DOCK11: variants seen among roughly 807,000 people sequenced by gnomAD.
DOCK11 encodes the protein dedicator of cytokinesis protein 11.
DOCK11 carries 70 observed loss-of-function variants against 169.1 expected under a neutral mutation model. The ratio of observed to expected loss-of-function variants is 0.41; its 90% CI spans 0.34 to 0.51. The LOEUF (loss-of-function observed/expected upper bound fraction) is 0.51. Ranked by LOEUF, DOCK11 falls within the 20% of genes least tolerant of loss-of-function variation. DOCK11 has a pLI of 0.10. For synonymous variants in DOCK11, 529 were observed against 541.3 expected, an observed-to-expected ratio of 0.98 and a Z score of 0.32; for missense variants, 1,166 against 1,538.8, an observed-to-expected ratio of 0.76 and a Z score of 4.05.
chrX:118,522,251 C>T (rs1403129252), intron 1 of DOCK11, among the ~76,000 whole-genome samples: 3 of 109,913 alleles, frequency 2.7e-5, no homozygotes, highest in African/African-American at 6.6e-5. Context: ...ACCCAGGGGG[C>T]GGAGGTTGCA....
intron 6 of DOCK11, among the ~76,000 whole-genome samples, chrX:118,554,438 T>C (rs1204142075): frequency 9.0e-6 from 1 of 110,566 alleles, no homozygotes; most frequent in African/African-American, 3.3e-5. Flanking sequence ...TAATATCAGC[T>C]ACTCGGGAGG....
chrX:118,548,396 A>G (rs2012361976), intron 6 of DOCK11, among the ~76,000 whole-genome samples: 1 of 112,207 alleles, frequency 8.9e-6, no homozygotes. Flanking sequence ...GAACCAGTCA[A>G]TGGTCCCCTA....
At chrX:118,598,227 C>T in intron 22 of DOCK11, 111 bp downstream of exon 22, 1 of 516,131 alleles carries the variant, frequency 1.9e-6, no homozygotes, top group Non-Finnish European at 3.2e-6. Flanking sequence ...GCAAGATTTT[C>T]TCATTAGTAA....
chrX:118,632,172 C>T (rs1363696273), intron 35 of DOCK11, among the ~76,000 whole-genome samples: 1 of 111,264 alleles, frequency 9.0e-6, no homozygotes, highest in Non-Finnish European at 1.9e-5. Flanking sequence ...CCAGGATGGT[C>T]TCGATCTCCT....
At chrX:118,532,736 G>C (rs944009232) in intron 1 of DOCK11, among the ~76,000 whole-genome samples, 1 of 98,530 alleles carries the variant, frequency 1.0e-5, no homozygotes, top group Admixed American at 1.2e-4. Context: ...AGCCGAGATC[G>C]CGCCACTGCA....
intron 46 of DOCK11, among the ~76,000 whole-genome samples, chrX:118,672,640 T>A (rs1441162913): frequency 3.6e-5 from 4 of 112,506 alleles, no homozygotes; most frequent in African/African-American, 1.3e-4. Context: ...TTTCACCGTG[T>A]TAGCCAAGAT....
chrX:118,590,199 T>A lies in DOCK11; in HGVS notation c.2047-11T>A, dbSNP rs1014417143. 8.4e-7 allele frequency: 1 copy of A among 1,194,830 alleles called. No homozygotes were observed. The highest frequency in any genetic ancestry group is 1.1e-6 in the Non-Finnish European group (1 of 882,275). On this transcript the variant is annotated splice_polypyrimidine_tract_variant and intron_variant, in intron 18 of 52. Transcript: ENST00000276202. ...CATTTAGAGCGGTGACTCTGTTTCT[T>A]TCTTTTGCAGTGTATTTATGGAAAA...
chrX:118,603,758 G>A (rs2147448783), intron 23 of DOCK11, among the ~76,000 whole-genome samples: 1 of 112,212 alleles, frequency 8.9e-6, no homozygotes, highest in South Asian at 3.7e-4. Flanking sequence ...TGTCGAATGA[G>A]AAAATGAATG....
intron 31 of DOCK11, among the ~76,000 whole-genome samples, 197 bp from the exon 32 acceptor site, chrX:118,624,342 T>G (rs1466022784): frequency 2.7e-5 from 3 of 112,865 alleles, no homozygotes; most frequent in African/African-American, 9.7e-5. Context: ...GTCTGTATCA[T>G]GGATAAATCC....
chrX:118,659,116 A>G (rs2016152119), intron 44 of DOCK11, among the ~76,000 whole-genome samples: 1 of 110,124 alleles, frequency 9.1e-6, no homozygotes, highest in Admixed American at 9.7e-5. Flanking sequence ...TCCCCTCAGG[A>G]CTCTTAGCTC....
chrX:118,542,510 GTGTGTGTGTT>G (rs2012052122), intron 1 of DOCK11, among the ~76,000 whole-genome samples: 1 of 81,792 alleles, frequency 1.2e-5, no homozygotes, highest in African/African-American at 4.7e-5. Flanking sequence ...CTGTGTGTGT[GTGTGTGTGTT>G]TGTGTGTGTG....
Position 118,624,548 on chromosome X carries a change from G to A in DOCK11, c.3481G>A (p.Ala1161Thr). Residue 1161 changes from alanine to threonine, a missense_variant, in exon 32 of 53, where the codon GCC (alanine) becomes ACC (threonine). Transcript: ENST00000276202. ...DTRYQHKNQQ[A>T]KIAQLYLPFV... Reference sequence around the variant, plus strand: ...AATAATTATTTTTCAGAACCAACAAGCCAAAATAGCACAATTGTACCTCCC... The same window carrying A: ...AATAATTATTTTTCAGAACCAACAAACCAAAATAGCACAATTGTACCTCCC... The A allele has an allele frequency of 1.7e-6, 2 of 1,198,523 alleles. No homozygotes were observed. The highest frequency in any genetic ancestry group is 2.3e-6 in the Non-Finnish European group (2 of 885,323).
chrX:118,674,780 G>A (rs2016569295), intron 46 of DOCK11, among the ~76,000 whole-genome samples: 1 of 112,031 alleles, frequency 8.9e-6, no homozygotes, highest in South Asian at 3.7e-4. Flanking sequence ...TTTACATTTC[G>A]ATCATCAGTG....
intron 1 of DOCK11, among the ~76,000 whole-genome samples, chrX:118,506,177 C>T: frequency 9.1e-6 from 1 of 109,322 alleles, no homozygotes; most frequent in African/African-American, 3.3e-5. Context: ...ATTCCTTGAG[C>T]CCAGGAGTTC....
Position 118,639,483 on chromosome X carries a change from G to T in DOCK11, c.4050G>T (p.Ser1350=), listed in dbSNP as rs766248371. The part of the protein sequence containing the change: ...LSKHFGIDRK[S]QTMPALRNRS... ...AACACTTCGGAATAGACCGAAAATC[G>T]CAAACCATGCCTGCTCTTCGAAACA... The change falls in exon 38 of 53, where the codon TCG becomes TCT. Residue 1350 remains serine (S), a synonymous_variant. Transcript: ENST00000276202. The T allele has an allele frequency of 1.7e-6, 2 of 1,210,825 alleles. No homozygotes were observed. Among genetic ancestry groups the T allele is most frequent in the Non-Finnish European group, 2.2e-6 (2 of 894,978 alleles).
intron 1 of DOCK11, among the ~76,000 whole-genome samples, chrX:118,530,021 G>A (rs1332140924): frequency 8.9e-6 from 1 of 112,108 alleles, no homozygotes; most frequent in Admixed American, 9.4e-5. Flanking sequence ...AAGAAATACT[G>A]TGATCCAACA....
intron 6 of DOCK11, among the ~76,000 whole-genome samples, chrX:118,556,622 T>G (rs1275883918): frequency 9.2e-6 from 1 of 108,558 alleles, no homozygotes; most frequent in Non-Finnish European, 1.9e-5. Flanking sequence ...CCAGGCGTGG[T>G]GGCATGCACC....
Position 118,609,285 on chromosome X carries a change from G to T in DOCK11, c.2885G>T (p.Trp962Leu). ...LSINKLLKYS[W>L]FFFEIIAKSM... is the part of the protein sequence containing the mutation. ...TCTTTCTTTTTTTTTCAGTACTCAT[G>T]GTTTTTCTTTGAAATAATTGCAAAG... The change falls in exon 27 of 53, where the codon TGG (tryptophan) becomes TTG (leucine). Residue 962 changes from tryptophan to leucine, a missense_variant. Transcript: ENST00000276202. 1 of 1,191,015 alleles carries T rather than the reference G, an allele frequency of 8.4e-7. No homozygotes were observed. Among genetic ancestry groups the T allele is most frequent in the South Asian group, 1.8e-5 (1 of 54,171 alleles).
At chrX:118,679,105 G>A (rs1282782623) in intron 48 of DOCK11, among the ~76,000 whole-genome samples, 2 of 109,757 alleles carry the variant, frequency 1.8e-5, no homozygotes, top group African/African-American at 6.6e-5. Context: ...ATTTTTTTAT[G>A]TTTCTTAGAG....
Sources: gnomAD v4.1 joint callset for allele counts (sites outside exome capture counted in the v4.1 genomes callset) on GRCh38, gnomAD v4.1.1 for gene constraint, MANE v1.5 for transcripts, NCBI Gene and HGNC (gene_info 2026-07-23, HGNC 2026-07-21) for gene names.